TAPBPL: variants seen among roughly 807,000 people sequenced by gnomAD.
TAPBPL encodes tapasin-related protein.
Under a neutral mutation model 44.8 loss-of-function variants are expected in TAPBPL, and 32 were observed. That is an observed-to-expected ratio of 0.71 (90% CI 0.54 to 0.96). The LOEUF (loss-of-function observed/expected upper bound fraction) is 0.96. Ranked by LOEUF, TAPBPL falls within the 40% of genes least tolerant of loss-of-function variation. The probability of loss-of-function intolerance (pLI) is 0.00; values close to 1 mark genes in which losing one functional copy is unlikely to be tolerated. For synonymous variants in TAPBPL, 230 were observed against 240.7 expected (o/e 0.96, Z 0.41); for missense variants, 520 against 586.6 (o/e 0.89, Z 1.17).
At chr12:6,452,568 A>G in intron 1 of TAPBPL, 1 of 1,372,584 alleles carries the variant, frequency 7.3e-7, no homozygotes, top group Non-Finnish European at 9.4e-7. Flanking sequence ...TGTCCTACAG[A>G]GAGGGCACTG....
At chr12:6,471,136 C>T, downstream of TAPBPL, 1 of 154,042 alleles carries the variant, frequency 6.5e-6, no homozygotes, top group Non-Finnish European at 1.5e-5. This position sits in a 1 kb window ranked among gnomAD's most constrained non-coding sequence, Gnocchi z 4.0. Flanking sequence ...TCCGCACCAC[C>T]GCCCCGCCTC....
downstream of TAPBPL, chr12:6,465,824 G>T: frequency 6.2e-7 from 1 of 1,612,974 alleles, no homozygotes; most frequent in South Asian, 1.1e-5. Context: ...AGATGGAGGA[G>T]GGGACAAGAA....
At chr12:6,457,024 C>A (rs1949719357) in intron 3 of TAPBPL, among the ~76,000 whole-genome samples, 1 of 152,224 alleles carries the variant, frequency 6.6e-6, no homozygotes, top group Non-Finnish European at 1.5e-5. Context: ...CTTGGTAACA[C>A]CAAGTGACTT....
downstream of TAPBPL, chr12:6,466,305 G>A (rs753837735): frequency 1.9e-6 from 3 of 1,614,140 alleles, no homozygotes; most frequent in Non-Finnish European, 2.5e-6. Context: ...CCCCCACCTG[G>A]GGCAGTCCCT....
At chr12:6,465,189 C>A, downstream of TAPBPL, 1 of 520,668 alleles carries the variant, frequency 1.9e-6, no homozygotes, top group Non-Finnish European at 3.4e-6. Context: ...TGCTTAGTTC[C>A]TGGTGTCTTG....
At position 6,453,431 on chromosome 12, in the gene TAPBPL, C is replaced by A. The variant is rs760546269; in HGVS notation, c.296-16C>A. 1 of 1,613,404 alleles carries A rather than the reference C, an allele frequency of 6.2e-7. No individual in the cohort carries two copies. Among genetic ancestry groups the A allele is most frequent in the Non-Finnish European group, 8.5e-7 (1 of 1,179,576 alleles). ...CACGCTAATTTGCCCTCTGTGTGTG[C>A]CCTGCTTCTCCCCAGTGGACCTGGT... On this transcript the variant is annotated splice_polypyrimidine_tract_variant and intron_variant, in intron 2 of 6. Coordinates refer to ENST00000266556, the MANE Select transcript of TAPBPL (RefSeq NM_018009.5). This position sits in a 1 kb window ranked among gnomAD's most constrained non-coding sequence, Gnocchi z 4.8.
At chr12:6,452,510 G>A (rs1949580545) in intron 1 of TAPBPL, 198 bp downstream of exon 1, 1 of 1,431,482 alleles carries the variant, frequency 7.0e-7, no homozygotes, top group South Asian at 1.5e-5. Context: ...GACTCCACAG[G>A]GAAAATGCTA....
In TAPBPL at chr12:6,452,089, A is replaced by T; in HGVS notation, c.-160A>T. ...GGGCTGCCATCTTGCTCTAAGTGAA[A>T]GTGAAAGAAAAGTCGGCAGCAGAGG... On this transcript the variant is annotated 5_prime_UTR_variant, in exon 1 of 7. It adds an upstream start codon to the 5' untranslated region. Coordinates refer to ENST00000266556, the MANE Select transcript of TAPBPL (RefSeq NM_018009.5). 1 of 832,396 alleles carries T rather than the reference A, an allele frequency of 1.2e-6. No homozygotes were observed. The highest frequency in any genetic ancestry group is 1.9e-6 in the Non-Finnish European group (1 of 517,878). 51.6% of individuals were successfully genotyped at this position (832,396 alleles called of 1,614,324 possible).
downstream of TAPBPL, chr12:6,464,251 G>A: frequency 2.0e-6 from 3 of 1,521,170 alleles, no homozygotes; most frequent in Non-Finnish European, 2.6e-6. Flanking sequence ...GGCGCCAGCT[G>A]TTGCTCTTCG....
chr12:6,462,470 G>C, downstream of TAPBPL: 1 of 499,854 alleles, frequency 2.0e-6, no homozygotes, highest in Non-Finnish European at 3.6e-6. Context: ...TGACTGCAAA[G>C]TCCCAGGGTT....
chr12:6,470,686 C>A, downstream of TAPBPL: 2 of 941,834 alleles, frequency 2.1e-6, no homozygotes, highest in South Asian at 1.4e-5. Flanking sequence ...CTGCAGCTGC[C>A]GCGCCGGCCT....
chr12:6,454,015 CAA>C (rs568380803), intron 3 of TAPBPL, among the ~76,000 whole-genome samples: 2 of 129,738 alleles, frequency 1.5e-5, no homozygotes, highest in Non-Finnish European at 1.7e-5. Context: ...AACTCCATCT[CAA>C]AAAAAAAAAA....
intron 3 of TAPBPL, 126 bp from the exon 4 acceptor site, chr12:6,457,280 T>C: frequency 1.2e-6 from 1 of 863,004 alleles, no homozygotes; most frequent in Non-Finnish European, 1.8e-6. Flanking sequence ...TGATGGAAAA[T>C]AAGCTCAACC....
At position 6,458,922 on chromosome 12, in the gene TAPBPL, G is replaced by A; in HGVS notation, c.1182G>A (p.Gly394=). Residue 394 remains glycine, a synonymous_variant, in exon 5 of 7, where the codon GGG becomes GGA. Transcript: ENST00000266556. ...ACATCTCTCTGGAGGAGCCCCTTGG[G>A]GCCAGCACCCAGGTTGTCCCACCAG... ...VTHISLEEPL[G]ASTQVVPPER... is the part of the protein sequence containing the mutation. 1.2e-6 allele frequency: 2 copies of A among 1,613,936 alleles called. No individual in the cohort carries two copies. The highest frequency in any genetic ancestry group is 8.5e-7 in the Non-Finnish European group (1 of 1,179,892).
At chr12:6,470,895 TTTG>T, downstream of TAPBPL, 1 of 323,864 alleles carries the variant, frequency 3.1e-6, no homozygotes, top group Non-Finnish European at 5.6e-6. Context: ...GCGACCATAG[TTTG>T]CGCTCCAGTC....
downstream of TAPBPL, among the ~76,000 whole-genome samples, chr12:6,470,139 G>A (rs1945732823): frequency 6.6e-6 from 1 of 152,196 alleles, no homozygotes; most frequent in Non-Finnish European, 1.5e-5. Context: ...TGTCTTTCCT[G>A]AGGCGCTGAG....
chr12:6,469,810 CTGTG>C (rs778521186), downstream of TAPBPL, among the ~76,000 whole-genome samples: 9 of 152,170 alleles, frequency 5.9e-5, no homozygotes, highest in Non-Finnish European at 1.3e-4. Context: ...GGAGACTAAA[CTGTG>C]TGTGTTGGAG....
rs1420449084 is a variant in TAPBPL, at chr12:6,460,918, T to C, written c.1271T>C (p.Leu424Pro). 6.2e-7 allele frequency: 1 copy of C among 1,614,008 alleles called. No homozygotes were observed. Among genetic ancestry groups the C allele is most frequent in the South Asian group, 1.1e-5 (1 of 91,086 alleles). ...SSLFLLALMF[L>P]GLQRRQAPTG... ...CTCTTCCTTCTTGCACTGATGTTCC[T>C]GGGGCTTCAGAGACGGCAAGGTAAG... The change falls in exon 6 of 7, where the codon CTG (leucine) becomes CCG (proline). Residue 424 changes from leucine to proline, a missense_variant. Leu to Pro is a moderately conservative substitution (Grantham distance 98). Transcript: ENST00000266556.
intron 1 of TAPBPL, 125 bp downstream of exon 1, chr12:6,452,437 CA>C (rs1949576092): frequency 2.1e-6 from 3 of 1,461,980 alleles, no homozygotes; most frequent in East Asian, 2.5e-5. Flanking sequence ...CTAAGCCCAA[CA>C]GGGGAAAGGC....
Sources: allele counts gnomAD v4.1 joint callset (sites outside exome capture counted in the v4.1 genomes callset), GRCh38; gene constraint gnomAD v4.1.1; non-coding constraint Gnocchi (gnomAD v3.1); transcripts MANE v1.5; gene names NCBI Gene and HGNC (gene_info 2026-07-23, HGNC 2026-07-21).